The following DLC1 variants were observed in gnomAD, a reference collection of about 807,000 sequenced individuals.
The protein encoded by DLC1 is rho GTPase-activating protein 7.
A neutral mutation model predicts 140.3 loss-of-function variants in DLC1; 54 were observed. The ratio of observed to expected loss-of-function variants is 0.38; its 90% CI spans 0.31 to 0.48. DLC1 has a LOEUF of 0.48. Ranked by LOEUF, DLC1 falls within the 20% of genes least tolerant of loss-of-function variation. DLC1 has a pLI of 0.96. For synonymous variants in DLC1, 986 were observed against 728.1 expected (o/e 1.35, Z -5.70); for missense variants, 2,536 against 1,907.0 (o/e 1.33, Z -6.14).
intron 4 of DLC1, among the ~76,000 whole-genome samples, chr8:13,356,459 A>G (rs1229320168): frequency 6.6e-6 from 1 of 152,250 alleles, no homozygotes; most frequent in Non-Finnish European, 1.5e-5. Flanking sequence ...TTTTTACCAT[A>G]CGAAATTCCT....
At chr8:13,366,060 T>G (rs1201741565) in intron 4 of DLC1, among the ~76,000 whole-genome samples, 2 of 152,184 alleles carry the variant, frequency 1.3e-5, no homozygotes, top group Non-Finnish European at 2.9e-5. Context: ...CAAGATTAAT[T>G]TCTATGCTTT....
intron 7 of DLC1, among the ~76,000 whole-genome samples, chr8:13,110,014 G>T (rs920572699): frequency 2.0e-5 from 3 of 152,024 alleles, no homozygotes; most frequent in African/African-American, 7.3e-5. Context: ...TTTTCCCCCA[G>T]AATTCAGCTT....
chr8:13,289,502 ATT>A (rs890232747), intron 5 of DLC1, among the ~76,000 whole-genome samples: 1 of 150,908 alleles, frequency 6.6e-6, no homozygotes. Context: ...AATTGTTCAA[ATT>A]TTTTTTTGTA....
chr8:13,319,184 T>C (rs571755213), intron 4 of DLC1, among the ~76,000 whole-genome samples: 1 of 152,196 alleles, frequency 6.6e-6, no homozygotes. Context: ...TAGAAGCACA[T>C]CAACAAAATA....
chr8:13,548,498 A>T (rs567405925), intron 1 of DLC1, among the ~76,000 whole-genome samples: 119 of 152,142 alleles, frequency 7.8e-4, no homozygotes, highest in Non-Finnish European at 1.4e-3. Flanking sequence ...AACAATAATA[A>T]TTTTTAAATA....
chr8:13,170,173 G>A (rs1039246908), intron 5 of DLC1, among the ~76,000 whole-genome samples: 6 of 152,086 alleles, frequency 3.9e-5, no homozygotes, highest in African/African-American at 7.2e-5. Context: ...ACTAGAAAAG[G>A]CCGCTGATGT....
chr8:13,429,518 C>G (rs1301268623), intron 2 of DLC1, among the ~76,000 whole-genome samples: 2 of 151,852 alleles, frequency 1.3e-5, no homozygotes, highest in African/African-American at 2.4e-5. Flanking sequence ...AAGTAAAATA[C>G]AAAAAGCTTA....
intron 5 of DLC1, among the ~76,000 whole-genome samples, chr8:13,172,864 G>A (rs1272059557): frequency 2.0e-5 from 3 of 152,154 alleles, no homozygotes; most frequent in African/African-American, 4.8e-5. Context: ...CTCTCATCCC[G>A]AGTTCCTTTT....
intron 5 of DLC1, among the ~76,000 whole-genome samples, chr8:13,283,276 C>T (rs1273363131): frequency 6.6e-6 from 1 of 150,856 alleles, no homozygotes; most frequent in Non-Finnish European, 1.5e-5. Flanking sequence ...CTTCTGTGTA[C>T]CAAGGGATCC....
intron 2 of DLC1, among the ~76,000 whole-genome samples, chr8:13,405,930 TTTC>T (rs1837517397): frequency 2.3e-5 from 3 of 128,278 alleles, no homozygotes; most frequent in Non-Finnish European, 3.3e-5. Flanking sequence ...TCTTTCTTTC[TTTC>T]TTTCTTTCTT....
chr8:13,269,683 A>G (rs1830836978), intron 5 of DLC1, among the ~76,000 whole-genome samples: 1 of 144,368 alleles, frequency 6.9e-6, no homozygotes, highest in East Asian at 2.1e-4. Flanking sequence ...CAACCTGGGA[A>G]ACAAAGCAAA....
intron 2 of DLC1, among the ~76,000 whole-genome samples, chr8:13,439,405 G>A (rs964524128): frequency 2.0e-5 from 3 of 152,096 alleles, no homozygotes; most frequent in Non-Finnish European, 4.4e-5. Context: ...TGCCATGTAA[G>A]TGAGGTTCTT....
chr8:13,215,171 C>T (rs182445085), intron 5 of DLC1, among the ~76,000 whole-genome samples: 8 of 152,128 alleles, frequency 5.3e-5, no homozygotes, highest in Middle Eastern at 3.4e-3. Flanking sequence ...TATATCCTTA[C>T]GATAGAGTAA....
At chr8:13,504,345 A>G (rs6530635) in intron 1 of DLC1, among the ~76,000 whole-genome samples, 32,215 of 152,042 alleles carry the variant, frequency 0.21, 5,527 homozygotes, top group East Asian at 0.61. Context: ...GGCTGATCTC[A>G]AACTCCTGAC....
intron 4 of DLC1, among the ~76,000 whole-genome samples, chr8:13,354,543 T>C (rs1834831612): frequency 6.6e-6 from 1 of 152,134 alleles, no homozygotes; most frequent in Non-Finnish European, 1.5e-5. Flanking sequence ...TAACTGAACT[T>C]GTTTGGTTAA....
At chr8:13,596,266 A>C (rs1292518735) in intron 1 of DLC1, among the ~76,000 whole-genome samples, 1 of 151,964 alleles carries the variant, frequency 6.6e-6, no homozygotes, top group African/African-American at 2.4e-5. Flanking sequence ...TTATTATTAT[A>C]TTGCCTTCTG....
chr8:13,462,468 A>G (rs1031492953), intron 2 of DLC1, among the ~76,000 whole-genome samples: 1 of 145,454 alleles, frequency 6.9e-6, no homozygotes, highest in Non-Finnish European at 1.5e-5. Context: ...CAGTGGCGCG[A>G]TCTTGGCTCA....
chr8:13,389,429 C>T (rs289555), intron 4 of DLC1, among the ~76,000 whole-genome samples: 126,865 of 152,030 alleles, frequency 0.83, 53,091 homozygotes, highest in East Asian at 0.98. Context: ...GAGTCTAGTA[C>T]GAAAGGCATT....
In DLC1 at chr8:13,371,313, T is replaced by C. The variant is rs573102334; in HGVS notation, c.1314+22240A>G. Among the ~76,000 whole-genome samples, 85 of 152,306 alleles carry C rather than the reference T, an allele frequency of 5.6e-4. 2 individuals carry two copies. The South Asian group carries it at 0.017, about 31-fold the overall frequency. ...AAATTGTCTCCCTCCCTAAAGTCAT[T>C]TTAATGTATTCTGTCCCCATTCAAA... On this transcript the variant is annotated intron_variant, in intron 4 of 17. Transcript: ENST00000276297.
Sources: gnomAD v4.1 joint callset for allele counts (sites outside exome capture counted in the v4.1 genomes callset) on GRCh38, gnomAD v4.1.1 for gene constraint, MANE v1.5 for transcripts, NCBI Gene and HGNC (gene_info 2026-07-23, HGNC 2026-07-21) for gene names.